MTFR1: variants seen among roughly 807,000 people sequenced by gnomAD.
MTFR1 encodes chondrocyte protein with a poly-proline region.
MTFR1 carries 28 observed loss-of-function variants against 38.8 expected under a neutral mutation model. That is an observed-to-expected ratio of 0.72 (90% CI 0.53 to 0.99). The LOEUF is 0.99. MTFR1 is among the 50% of genes least tolerant of loss of function. The pLI, the probability that MTFR1 is intolerant of heterozygous loss-of-function variation, is 0.00. For synonymous variants in MTFR1, 145 were observed against 137.0 expected (o/e 1.06, Z -0.41); for missense variants, 358 against 395.5 (o/e 0.91, Z 0.81).
downstream of MTFR1, chr8:65,714,191 TTATTATA>T (rs1563462826): frequency 1.3e-5 from 2 of 150,118 alleles, no homozygotes; most frequent in African/African-American, 4.9e-5. Flanking sequence ...ATGCCCCCCT[TTATTATA>T]TATCTAGTGC....
At chr8:65,674,997 A>G (rs1256706458) in intron 2 of MTFR1, among the ~76,000 whole-genome samples, 1 of 152,144 alleles carries the variant, frequency 6.6e-6, no homozygotes, top group Non-Finnish European at 1.5e-5. Context: ...GTTTATTAAA[A>G]GCATTATATA....
chr8:65,677,795 A>C (rs999902918), intron 2 of MTFR1, among the ~76,000 whole-genome samples: 1 of 151,606 alleles, frequency 6.6e-6, no homozygotes, highest in African/African-American at 2.4e-5. Flanking sequence ...AGGTGGGTGG[A>C]TCATGAGGTC....
intron 3 of MTFR1, among the ~76,000 whole-genome samples, chr8:65,726,454 T>C (rs1806615384): frequency 6.6e-6 from 1 of 152,226 alleles, no homozygotes; most frequent in South Asian, 2.1e-4. Flanking sequence ...TTGTCAGTTT[T>C]GAAAACTTCT....
chr8:65,646,709 A>G (rs985739732), intron 1 of MTFR1, among the ~76,000 whole-genome samples: 1 of 152,196 alleles, frequency 6.6e-6, no homozygotes, highest in South Asian at 2.1e-4. Flanking sequence ...AGTAAAATAA[A>G]CATTTTATTC....
chr8:65,713,706 AAC>A (rs1011060079), downstream of MTFR1, among the ~76,000 whole-genome samples: 11 of 152,228 alleles, frequency 7.2e-5, no homozygotes, highest in East Asian at 3.9e-4. Context: ...TATTTTTTGA[AAC>A]AGTCTTACTC....
At chr8:65,745,531 A>G (rs1807635371) in intron 3 of MTFR1, 2 of 909,188 alleles carry the variant, frequency 2.2e-6, no homozygotes, top group Non-Finnish European at 3.6e-6. Flanking sequence ...TCTTTTGGAG[A>G]TATTCCATAG....
intron 3 of MTFR1, among the ~76,000 whole-genome samples, chr8:65,743,793 C>G (rs1807545119): frequency 6.6e-6 from 1 of 152,094 alleles, no homozygotes; most frequent in South Asian, 2.1e-4. Flanking sequence ...GCACTGACTT[C>G]CTCTCAGTGT....
intron 3 of MTFR1, among the ~76,000 whole-genome samples, chr8:65,730,543 C>T (rs945420205): frequency 2.0e-5 from 3 of 152,028 alleles, no homozygotes; most frequent in East Asian, 1.9e-4. Flanking sequence ...ATCCTGAAAC[C>T]ATCCCCCTCC....
intron 3 of MTFR1, among the ~76,000 whole-genome samples, chr8:65,756,008 T>C (rs1264639930): frequency 6.6e-6 from 1 of 152,272 alleles, no homozygotes. Flanking sequence ...CCCTTCATTC[T>C]TCAAGGATAG....
At chr8:65,714,720 A>G (rs1224931452), downstream of MTFR1, 3 of 152,232 alleles carry the variant, frequency 2.0e-5, no homozygotes, top group Admixed American at 6.5e-5. Flanking sequence ...ATATTTATAC[A>G]TGCTTGAAAA....
intron 3 of MTFR1, among the ~76,000 whole-genome samples, chr8:65,730,740 C>T (rs1251564159): frequency 6.6e-6 from 1 of 151,908 alleles, no homozygotes; most frequent in Non-Finnish European, 1.5e-5. Context: ...CTAGCCTGGC[C>T]ATCATGGCAA....
the MTFR1 span, among the ~76,000 whole-genome samples, chr8:65,778,559 G>T: frequency 6.6e-6 from 1 of 152,062 alleles, no homozygotes; most frequent in Non-Finnish European, 1.5e-5. Flanking sequence ...CCTGATTCTC[G>T]GAATCATGAG....
Position 65,689,546 on chromosome 8 carries a change from T to C in MTFR1, c.166-4098T>C, listed in dbSNP as rs182439354. On this transcript the variant is annotated intron_variant, in intron 3 of 7. Coordinates refer to ENST00000262146, the MANE Select transcript of MTFR1 (RefSeq NM_014637.4). The stretch of plus-strand genomic sequence containing the variant: ...AATTTCTATCTCTTCACTTTTTTTT[T>C]CTTTTTCCACTAATAATAGCTGTAG... 3.9e-4 allele frequency: 484 copies of C among 1,254,828 alleles called. 1 individual carries two copies. The African/African-American group carries it at 7.0e-3, about 18-fold the overall frequency. 77.7% of individuals were successfully genotyped at this position (1,254,828 alleles called of 1,614,324 possible).
At chr8:65,768,963 C>T (rs1231645142) in intron 3 of MTFR1, among the ~76,000 whole-genome samples, 2 of 152,066 alleles carry the variant, frequency 1.3e-5, no homozygotes, top group African/African-American at 2.4e-5. Context: ...AAGTAACAGA[C>T]ATGGCCAGGC....
chr8:65,740,682 T>G (rs1386715977), intron 3 of MTFR1, among the ~76,000 whole-genome samples: 2 of 152,306 alleles, frequency 1.3e-5, no homozygotes, highest in South Asian at 4.1e-4. Flanking sequence ...TTTACAGGCG[T>G]GAGCTACCAC....
At chr8:65,756,228 G>A (rs1381908371) in intron 3 of MTFR1, among the ~76,000 whole-genome samples, 1 of 152,188 alleles carries the variant, frequency 6.6e-6, no homozygotes, top group Non-Finnish European at 1.5e-5. Flanking sequence ...TGACTATAGT[G>A]TGTCTCAGTG....
At chr8:65,764,285 C>T (rs953985806) in intron 3 of MTFR1, among the ~76,000 whole-genome samples, 2 of 152,190 alleles carry the variant, frequency 1.3e-5, no homozygotes, top group South Asian at 2.1e-4. Flanking sequence ...GAGAAATGAA[C>T]GACTGGGAAG....
chr8:65,753,088 G>A (rs1000564795), intron 3 of MTFR1, among the ~76,000 whole-genome samples: 2 of 152,098 alleles, frequency 1.3e-5, no homozygotes, highest in Non-Finnish European at 2.9e-5. Context: ...TGAGTGGTAG[G>A]AAATTTAGTC....
intron 1 of MTFR1, among the ~76,000 whole-genome samples, chr8:65,662,865 T>C (rs1809482106): frequency 6.9e-6 from 1 of 144,790 alleles, no homozygotes. Context: ...GGTGGGGGGG[T>C]TAGGCCCCAG....
Sources: gnomAD v4.1 joint callset for allele counts (sites outside exome capture counted in the v4.1 genomes callset) on GRCh38, gnomAD v4.1.1 for gene constraint, MANE v1.5 for transcripts, NCBI Gene and HGNC (gene_info 2026-07-23, HGNC 2026-07-21) for gene names.